The following SVEP1 variants were observed in gnomAD, a reference collection of about 807,000 sequenced individuals.
SVEP1 encodes sushi, von Willebrand factor type A, EGF and pentraxin domain-containing protein 1.
SVEP1 carries 164 observed loss-of-function variants against 367.3 expected under a neutral mutation model. The observed-to-expected ratio is 0.45, with a 90% CI of 0.39 to 0.51. SVEP1 has a LOEUF of 0.51. Among genes scored for constraint, SVEP1 ranks in the 20% least tolerant of loss-of-function variants. SVEP1 has a pLI of 0.00. For synonymous variants in SVEP1, 1,666 were observed against 1,611.6 expected (o/e 1.03, Z -0.81); for missense variants, 4,117 against 4,425.3 (o/e 0.93, Z 1.98).
intron 1 of SVEP1, 60 bp downstream of exon 1, chr9:110,578,953 C>T: frequency 6.6e-7 from 1 of 1,517,802 alleles, no homozygotes; most frequent in Non-Finnish European, 8.8e-7. Context: ...GACGGGCAGG[C>T]AGCGGTGGGT....
intron 13 of SVEP1, among the ~76,000 whole-genome samples, chr9:110,478,162 G>GAT (rs1829126123): frequency 6.6e-6 from 1 of 152,150 alleles, no homozygotes; most frequent in Admixed American, 6.6e-5. Context: ...TCTTCCCCTA[G>GAT]ATATGCTCGT....
intron 18 of SVEP1, among the ~76,000 whole-genome samples, chr9:110,465,354 T>C (rs1828918824): frequency 6.6e-6 from 1 of 152,136 alleles, no homozygotes; most frequent in African/African-American, 2.4e-5. Context: ...AATCAGAATC[T>C]CTGGGAGAGA....
At chr9:110,402,873 G>A (rs1333413351) in intron 39 of SVEP1, among the ~76,000 whole-genome samples, 1 of 152,110 alleles carries the variant, frequency 6.6e-6, no homozygotes, top group Non-Finnish European at 1.5e-5. Context: ...CTGCTTTTAG[G>A]TTTGACATTG....
At chr9:110,456,854 T>C (rs1450118377) in intron 21 of SVEP1, among the ~76,000 whole-genome samples, 1 of 152,210 alleles carries the variant, frequency 6.6e-6, no homozygotes, top group Admixed American at 6.5e-5. Context: ...TAGCTATTCA[T>C]AAGAACTTCT....
intron 3 of SVEP1, among the ~76,000 whole-genome samples, chr9:110,542,862 G>A (rs1048795301): frequency 1.3e-5 from 2 of 151,494 alleles, no homozygotes; most frequent in African/African-American, 2.4e-5. Flanking sequence ...TATACTTAAT[G>A]TGAATGACGA....
intron 1 of SVEP1, among the ~76,000 whole-genome samples, chr9:110,562,136 T>TA (rs60958087): frequency 2.0e-5 from 3 of 150,716 alleles, no homozygotes; most frequent in Admixed American, 1.3e-4. Context: ...TAAAATGGTT[T>TA]AAAAAAAACA....
chr9:110,510,371 T>C (rs1829689444), intron 5 of SVEP1, among the ~76,000 whole-genome samples: 2 of 152,224 alleles, frequency 1.3e-5, no homozygotes, highest in Non-Finnish European at 2.9e-5. Flanking sequence ...AAATAAATCC[T>C]TCATCCCATA....
At chr9:110,435,807 A>T (rs1303075045) in intron 28 of SVEP1, among the ~76,000 whole-genome samples, 1 of 152,208 alleles carries the variant, frequency 6.6e-6, no homozygotes, top group Non-Finnish European at 1.5e-5. Context: ...CCACAAATGT[A>T]TATGTAGTAT....
At chr9:110,422,821 G>T (rs1313934330) in intron 36 of SVEP1, among the ~76,000 whole-genome samples, 1 of 77,000 alleles carries the variant, frequency 1.3e-5, no homozygotes, top group African/African-American at 6.1e-5. Flanking sequence ...TCCTTTGTAG[G>T]GACATGGATG....
intron 38 of SVEP1, among the ~76,000 whole-genome samples, chr9:110,404,774 C>T (rs1030580560): frequency 5.3e-5 from 8 of 152,174 alleles, no homozygotes; most frequent in Admixed American, 3.9e-4. Context: ...CCTGTAATCC[C>T]TGCACTTTGG....
intron 38 of SVEP1, among the ~76,000 whole-genome samples, chr9:110,405,784 T>A (rs749034272): frequency 6.6e-6 from 1 of 152,202 alleles, no homozygotes; most frequent in African/African-American, 2.4e-5. Flanking sequence ...CCCCAATATT[T>A]GCATGTGTCA....
At chr9:110,529,669 G>A (rs1024576288) in intron 3 of SVEP1, among the ~76,000 whole-genome samples, 12 of 151,896 alleles carry the variant, frequency 7.9e-5, no homozygotes, top group African/African-American at 2.9e-4. Flanking sequence ...CAGCTTGATT[G>A]TTGGTGGTGG....
At chr9:110,498,371 A>G (rs1235995387) in intron 7 of SVEP1, among the ~76,000 whole-genome samples, 2 of 152,076 alleles carry the variant, frequency 1.3e-5, no homozygotes, top group Admixed American at 1.3e-4. Flanking sequence ...TCCTTATTAA[A>G]TGGACATTGG....
chr9:110,535,369 G>T (rs1000919585), intron 3 of SVEP1, among the ~76,000 whole-genome samples: 1 of 151,998 alleles, frequency 6.6e-6, no homozygotes, highest in Non-Finnish European at 1.5e-5. Context: ...CTGTTCCATT[G>T]GTCTATGTGT....
chr9:110,453,884 TAA>T (rs34249642), intron 22 of SVEP1, among the ~76,000 whole-genome samples: 26,018 of 145,248 alleles, frequency 0.18, 2,528 homozygotes, highest in East Asian at 0.44. Context: ...ATACAAAAAT[TAA>T]AAAAAAAAAA....
At chr9:110,573,173 C>T (rs1214161036) in intron 1 of SVEP1, among the ~76,000 whole-genome samples, 1 of 147,018 alleles carries the variant, frequency 6.8e-6, no homozygotes, top group African/African-American at 2.5e-5. Flanking sequence ...TACCCCCACC[C>T]CTTCCTATAA....
At chr9:110,367,195 T>G (rs934865763) in intron 47 of SVEP1, among the ~76,000 whole-genome samples, 3 of 152,236 alleles carry the variant, frequency 2.0e-5, no homozygotes, top group Non-Finnish European at 4.4e-5. Flanking sequence ...GATCTTACTC[T>G]GTTGCCGAGG....
intron 45 of SVEP1, 25 bp from the exon 46 acceptor site, chr9:110,375,488 A>G (rs1331566575): frequency 2.2e-6 from 3 of 1,387,112 alleles, no homozygotes; most frequent in Non-Finnish European, 2.9e-6. Context: ...AAAAAAAAAA[A>G]AAGGAGGCAG....
At chr9:110,560,445 T>C (rs758561863) in intron 1 of SVEP1, among the ~76,000 whole-genome samples, 1 of 152,214 alleles carries the variant, frequency 6.6e-6, no homozygotes, top group Non-Finnish European at 1.5e-5. Context: ...TTCTATGTTA[T>C]AGTTTGTTGT....
Sources: gnomAD v4.1 joint callset for allele counts (sites outside exome capture counted in the v4.1 genomes callset) on GRCh38, gnomAD v4.1.1 for gene constraint, MANE v1.5 for transcripts, NCBI Gene and HGNC (gene_info 2026-07-23, HGNC 2026-07-21) for gene names.